LHFPL7: variants seen among roughly 807,000 people sequenced by gnomAD.
The protein encoded by LHFPL7 is LHFPL tetraspan subfamily member 7 protein.
At chr22:24,946,242 G>A in the LHFPL7 span, among the ~76,000 whole-genome samples, 3 of 151,488 alleles carry the variant, frequency 2.0e-5, no homozygotes, top group Non-Finnish European at 2.9e-5. Flanking sequence ...CCCGGAAGGC[G>A]GAGGTTGCAG....
chr22:24,943,460 T>A, the LHFPL7 span, among the ~76,000 whole-genome samples: 12 of 152,192 alleles, frequency 7.9e-5, no homozygotes, highest in Admixed American at 5.9e-4. Flanking sequence ...GCTTAACTTT[T>A]AATAGCAGTC....
chr22:24,945,406 G>T, the LHFPL7 span, among the ~76,000 whole-genome samples: 3 of 152,208 alleles, frequency 2.0e-5, no homozygotes, highest in Non-Finnish European at 4.4e-5. Flanking sequence ...TGGAGGTGGG[G>T]TTAGGGGAGG....
chr22:24,935,177 A>G, the LHFPL7 span: 1 of 958,334 alleles, frequency 1.0e-6, no homozygotes, highest in Non-Finnish European at 1.5e-6. Context: ...TATGATTTCA[A>G]CTTTCATTTT....
the LHFPL7 span, among the ~76,000 whole-genome samples, chr22:24,942,321 T>C: frequency 6.6e-6 from 1 of 152,238 alleles, no homozygotes; most frequent in Non-Finnish European, 1.5e-5. Context: ...TAAAAGTAAG[T>C]CAATGTAGAG....
chr22:24,941,061 T>G, the LHFPL7 span, among the ~76,000 whole-genome samples: 7 of 129,100 alleles, frequency 5.4e-5, no homozygotes, highest in South Asian at 2.5e-4. Context: ...AGCCACTTTG[T>G]TTTTTTTTTA....
At chr22:24,938,300 GAC>G in the LHFPL7 span, 1 of 1,614,028 alleles carries the variant, frequency 6.2e-7, no homozygotes, top group South Asian at 1.1e-5. Flanking sequence ...GCAGGGAAGA[GAC>G]AGGAGGAAAA....
the LHFPL7 span, among the ~76,000 whole-genome samples, chr22:24,935,766 A>G: frequency 1.3e-5 from 2 of 151,862 alleles, no homozygotes; most frequent in Non-Finnish European, 2.9e-5. Flanking sequence ...TCATTCAACT[A>G]CGCTTCCAAC....
chr22:24,939,195 A>AG, the LHFPL7 span: 16,167 of 660,348 alleles, frequency 0.024, 272 homozygotes, highest in Middle Eastern at 0.038. Context: ...AGTTCTAAGG[A>AG]GAGTAATGGC....
chr22:24,937,554 G>A, the LHFPL7 span, among the ~76,000 whole-genome samples: 5 of 152,192 alleles, frequency 3.3e-5, no homozygotes, highest in Non-Finnish European at 7.3e-5. Context: ...GGACTCGTTT[G>A]TCCAGTATGT....
At chr22:24,942,302 A>G in the LHFPL7 span, among the ~76,000 whole-genome samples, 2 of 152,330 alleles carry the variant, frequency 1.3e-5, no homozygotes, top group Admixed American at 6.5e-5. Context: ...CCTCAAATGT[A>G]TTTTAATATA....
At chr22:24,944,463 C>T in the LHFPL7 span, among the ~76,000 whole-genome samples, 1 of 152,124 alleles carries the variant, frequency 6.6e-6, no homozygotes, top group South Asian at 2.1e-4. Context: ...GAGTGGGGAG[C>T]AGGTGCAAAG....
At chr22:24,938,649 C>G in the LHFPL7 span, among the ~76,000 whole-genome samples, 1 of 152,184 alleles carries the variant, frequency 6.6e-6, no homozygotes, top group African/African-American at 2.4e-5. Flanking sequence ...TTGCTACATG[C>G]CAGGATCATC....
At chr22:24,936,715 C>T in the LHFPL7 span, among the ~76,000 whole-genome samples, 1 of 152,082 alleles carries the variant, frequency 6.6e-6, no homozygotes, top group Non-Finnish European at 1.5e-5. Flanking sequence ...CCAGAAATGC[C>T]CTTGTACTCT....
chr22:24,941,608 T>G, the LHFPL7 span, among the ~76,000 whole-genome samples: 6 of 151,824 alleles, frequency 4.0e-5, no homozygotes, highest in Middle Eastern at 3.4e-3. Context: ...ATTTGTTTTT[T>G]TTTTTTTTTT....
the LHFPL7 span, among the ~76,000 whole-genome samples, chr22:24,946,283 C>T: frequency 6.6e-6 from 1 of 152,146 alleles, no homozygotes; most frequent in Non-Finnish European, 1.5e-5. Flanking sequence ...GCACTCCAGC[C>T]TGGGCGACAG....
the LHFPL7 span, among the ~76,000 whole-genome samples, chr22:24,940,636 C>CCTT: frequency 1.6e-5 from 1 of 61,080 alleles, no homozygotes; most frequent in Non-Finnish European, 3.1e-5. Context: ...CATATGCCCG[C>CCTT]CCTTCCTTCC....
the LHFPL7 span, among the ~76,000 whole-genome samples, chr22:24,941,440 G>C: frequency 4.6e-5 from 7 of 151,974 alleles, no homozygotes; most frequent in East Asian, 1.9e-4. Flanking sequence ...TGGATGTCTT[G>C]GTTTGGGTTC....
At chr22:24,945,947 C>T in the LHFPL7 span, among the ~76,000 whole-genome samples, 1 of 152,218 alleles carries the variant, frequency 6.6e-6, no homozygotes, top group Non-Finnish European at 1.5e-5. Context: ...GCCTCAGGTT[C>T]CCCATCTACA....
the LHFPL7 span, among the ~76,000 whole-genome samples, chr22:24,939,924 C>CTTTTTTTTTTTTTTTTTTTTTTTTTTT: frequency 2.3e-5 from 2 of 86,992 alleles, no homozygotes; most frequent in African/African-American, 8.7e-5. Context: ...TCATTTATCG[C>CTTTTTTTTTTTTTTTTTTTTTTTTTTT]TTTTTTTTTT....
Sources: gnomAD v4.1 joint callset for allele counts (sites outside exome capture counted in the v4.1 genomes callset) on GRCh38, gnomAD v4.1.1 for gene constraint, MANE v1.5 for transcripts, NCBI Gene and HGNC (gene_info 2026-07-23, HGNC 2026-07-21) for gene names.